The following STAC3 variants were observed in gnomAD, a reference collection of about 807,000 sequenced individuals.
STAC3 encodes SH3 and cysteine rich domain 3.
Under a neutral mutation model 48.5 loss-of-function variants are expected in STAC3, and 30 were observed. That is an observed-to-expected ratio of 0.62 (90% CI 0.46 to 0.84). The LOEUF is 0.84. Ranked by LOEUF, STAC3 falls within the 40% of genes least tolerant of loss-of-function variation. The probability of loss-of-function intolerance (pLI) is 0.00; values close to 1 mark genes in which losing one functional copy is unlikely to be tolerated. For missense variants in STAC3, 419 were observed against 462.6 expected (o/e 0.91, Z 0.86); for synonymous variants, 144 against 158.6 (o/e 0.91, Z 0.69).
At chr12:57,249,504 A>T in intron 2 of STAC3, 67 bp downstream of exon 2, 1 of 1,589,250 alleles carries the variant, frequency 6.3e-7, no homozygotes, top group Non-Finnish European at 8.6e-7. Flanking sequence ...GATCAATTTA[A>T]GCACTCTTCT....
intron 5 of STAC3, among the ~76,000 whole-genome samples, chr12:57,247,434 T>TATTATTA (rs1565782157): frequency 5.3e-4 from 51 of 95,556 alleles, no homozygotes; most frequent in African/African-American, 1.7e-3. Context: ...TATTATTTTT[T>TATTATTA]TTTTTTTTTT....
rs2037692053 is a variant in STAC3, at chr12:57,244,796, G to A, written c.720+120C>T. 7 of 1,397,918 alleles carry A rather than the reference G, an allele frequency of 5.0e-6. No individual in the cohort carries two copies. The South Asian group carries it at 8.3e-5, about 17-fold the overall frequency. The allele number at this position is 1,397,918 out of a possible 1,614,324, so 86.6% of individuals were successfully genotyped here. A position where few individuals can be genotyped will look rare whatever the true frequency, so the allele number is the denominator to read the frequency against. ...GTGTGCAAGTTGATGGAGAGTGTGG[G>A]TCAGAAGTGATGGGAAGCCTAGGAG... On this transcript the variant is annotated intron_variant, in intron 8 of 11. Coordinates refer to ENST00000332782, the MANE Select transcript of STAC3 (RefSeq NM_145064.3).
intron 9 of STAC3, 68 bp from the exon 10 acceptor site, chr12:57,244,434 A>G (rs2037683340): frequency 1.9e-6 from 3 of 1,612,770 alleles, no homozygotes; most frequent in Non-Finnish European, 1.7e-6. Flanking sequence ...TCCAGCATCA[A>G]TAGGCTCCAA....
At chr12:57,245,335 G>T in intron 6 of STAC3, 124 bp from the exon 7 acceptor site, 1 of 865,436 alleles carries the variant, frequency 1.2e-6, no homozygotes, top group Non-Finnish European at 1.8e-6. Context: ...AAGAGGCCTT[G>T]GAGGAAATAT....
At chr12:57,245,313 T>C (rs938671644) in intron 6 of STAC3, 102 bp from the exon 7 acceptor site, 10 of 1,072,432 alleles carry the variant, frequency 9.3e-6, no homozygotes, top group African/African-American at 7.9e-5. Flanking sequence ...ATCTCAGAGA[T>C]CTCAGAGTTG....
chr12:57,246,490 C>T (rs1021265869), intron 6 of STAC3, among the ~76,000 whole-genome samples: 1 of 151,844 alleles, frequency 6.6e-6, no homozygotes, highest in African/African-American at 2.4e-5. Flanking sequence ...ATTCTCCTGC[C>T]TCAGCCTCCC....
chr12:57,244,841 CA>C (rs1217310012), intron 8 of STAC3, 74 bp downstream of exon 8: 2 of 1,558,870 alleles, frequency 1.3e-6, no homozygotes, highest in East Asian at 4.5e-5. Context: ...GAGCTTCTGC[CA>C]GGGCCATGAG....
In STAC3 at chr12:57,247,242, C is replaced by A. The variant is rs116320481; in HGVS notation, c.506-341G>T. Among the ~76,000 whole-genome samples, 1,129 of 152,024 alleles carry A rather than the reference C, an allele frequency of 7.4e-3. 13 individuals carry two copies. The highest frequency in any genetic ancestry group is 0.026 in the African/African-American group (1,074 of 41,434). On this transcript the variant is annotated intron_variant, in intron 5 of 11. Coordinates refer to ENST00000332782, the MANE Select transcript of STAC3 (RefSeq NM_145064.3). ...CTATTCTCCTTCTAAGGAGAATGGGCCCTTAACTGCTGGCTTTTGTTCTGC... is the reference window on the plus strand; with the variant it reads ...CTATTCTCCTTCTAAGGAGAATGGGACCTTAACTGCTGGCTTTTGTTCTGC...
intron 2 of STAC3, 105 bp from the exon 3 acceptor site, chr12:57,249,413 G>T: frequency 6.6e-7 from 1 of 1,504,974 alleles, no homozygotes; most frequent in Non-Finnish European, 8.9e-7. Flanking sequence ...TTCAGGCAAG[G>T]AATGTACCCC....
rs750980015 is a variant in STAC3, at chr12:57,244,100, G to C, written c.984C>G (p.Leu328=). 1.2e-6 allele frequency: 2 copies of C among 1,614,086 alleles called. No individual in the cohort carries two copies. The highest frequency in any genetic ancestry group is 2.2e-5 in the South Asian group (2 of 91,076). Residue 328 remains leucine (L), a synonymous_variant, in exon 11 of 12, where the codon CTC becomes CTG. Coordinates refer to ENST00000332782, the MANE Select transcript of STAC3 (RefSeq NM_145064.3). Reference sequence around the variant, plus strand: ...GGCAACAGCCTACCTGGTCCTTCTTGAGAGTGATCTGCCCTATCTCGCGGT... The same window carrying C: ...GGCAACAGCCTACCTGGTCCTTCTTCAGAGTGATCTGCCCTATCTCGCGGT... ...VGNREIGQIT[L]KKDQIVVQKG...
rs1289828109 is a variant in STAC3, at chr12:57,243,678, C to T, written c.*134G>A. On this transcript the variant is annotated 3_prime_UTR_variant, in exon 12 of 12. Transcript: ENST00000332782. ...GCGAGAACCAGTCCCTTCCCGGAAG[C>T]CCCGTCGCGCTCAGGCGGGCCTTCC... 7 of 828,226 alleles carry T rather than the reference C, an allele frequency of 8.5e-6. No individual in the cohort carries two copies. The highest frequency in any genetic ancestry group is 1.2e-5 in the Non-Finnish European group (6 of 491,210). 51.3% of individuals were successfully genotyped at this position (828,226 alleles called of 1,614,324 possible).
chr12:57,247,419 A>ATTTTTTTTTTTTTT (rs1360362639), intron 5 of STAC3, among the ~76,000 whole-genome samples: 2 of 88,672 alleles, frequency 2.3e-5, no homozygotes, highest in African/African-American at 4.9e-5. Context: ...TATTATTATT[A>ATTTTTTTTTTTTTT]TTATTATTAT....
chr12:57,250,338 C>T (rs1018305875), intron 1 of STAC3, among the ~76,000 whole-genome samples: 2 of 129,360 alleles, frequency 1.5e-5, no homozygotes, highest in Admixed American at 1.0e-4. Context: ...TGCAGTGAGC[C>T]GGGATTGTGC....
At chr12:57,248,318 G>T (rs1221891956) in intron 4 of STAC3, 120 bp from the exon 5 acceptor site, 5 of 830,594 alleles carry the variant, frequency 6.0e-6, no homozygotes, top group East Asian at 2.5e-5. Context: ...AAAAAGCAGA[G>T]AAATGAATGG....
Position 57,244,550 on chromosome 12 carries a change from C to A in STAC3, c.793G>T (p.Asp265Tyr). 6.2e-7 allele frequency: 1 copy of A among 1,614,232 alleles called. No individual in the cohort carries two copies. Among genetic ancestry groups the A allele is most frequent in the Non-Finnish European group, 8.5e-7 (1 of 1,180,036 alleles). ...LYRFKALEKDDLDFPPGEKIT... is the reference protein window; with the variant it reads ...LYRFKALEKDYLDFPPGEKIT... ...AAGGCCTCTCACGGGAAATCCAGAT[C>A]GTCCTTCTCCAGGGCTTTGAACCGA... The change falls in exon 9 of 12, where the codon GAT becomes TAT. Residue 265 changes from aspartate to tyrosine, a missense_variant. Physicochemically the swap from Asp to Tyr is radical, Grantham distance 160. Coordinates refer to ENST00000332782, the MANE Select transcript of STAC3 (RefSeq NM_145064.3).
At chr12:57,249,548 A>G in intron 2 of STAC3, 23 bp downstream of exon 2, 1 of 1,613,284 alleles carries the variant, frequency 6.2e-7, no homozygotes, top group East Asian at 2.2e-5. Context: ...CCCCACACCC[A>G]GTGGTCAGAG....
rs2037801260 is a variant in STAC3, at chr12:57,248,180, C to T, written c.451G>A (p.Ala151Thr). ...TTGCTGTAGAGTGGGGAACTATAGG[C>T]CCGATGGAAACCAGGTGGCTGTAGG... ...FGKIPPGFHR[A>T]YSSPLYSNQQ... The change falls in exon 5 of 12, where the codon GCC becomes ACC. Residue 151 changes from alanine to threonine, a missense_variant. Physicochemically the swap from Ala to Thr is moderately conservative, Grantham distance 58. Transcript: ENST00000332782. 6.2e-7 allele frequency: 1 copy of T among 1,613,966 alleles called. No individual in the cohort carries two copies. The highest frequency in any genetic ancestry group is 1.3e-5 in the African/African-American group (1 of 75,000).
At chr12:57,244,763 G>A (rs375092585) in intron 8 of STAC3, 141 bp from the exon 9 acceptor site, 5 of 1,351,926 alleles carry the variant, frequency 3.7e-6, no homozygotes, top group South Asian at 1.2e-5. Context: ...TGTTTTGGTC[G>A]TGGGTGGGTG....
chr12:57,245,614 C>G (rs1282737265), intron 6 of STAC3, among the ~76,000 whole-genome samples: 2 of 152,104 alleles, frequency 1.3e-5, no homozygotes, highest in African/African-American at 4.8e-5. Flanking sequence ...TCGTGATCCA[C>G]CAGCCTCGGC....
Sources: allele counts gnomAD v4.1 joint callset (sites outside exome capture counted in the v4.1 genomes callset), GRCh38; gene constraint gnomAD v4.1.1; transcripts MANE v1.5; gene names NCBI Gene and HGNC (gene_info 2026-07-23, HGNC 2026-07-21).